JARID2: variants seen among roughly 807,000 people sequenced by gnomAD.
The protein encoded by JARID2 is protein Jumonji.
In JARID2, 21 loss-of-function variants were observed where a neutral mutation model predicts 125.6. The ratio of observed to expected loss-of-function variants is 0.17; its 90% CI spans 0.12 to 0.24. The LOEUF (loss-of-function observed/expected upper bound fraction) is 0.24, where lower values mean the gene tolerates loss of function less well. Ranked by LOEUF, JARID2 falls within the 10% of genes least tolerant of loss-of-function variation. The pLI is 1.00. For missense variants in JARID2, 1,303 were observed against 1,639.6 expected (o/e 0.79, Z 3.55); for synonymous variants, 736 against 661.6 (o/e 1.11, Z -1.73).
At chr6:15,386,160 G>T (rs964061513) in intron 2 of JARID2, among the ~76,000 whole-genome samples, 1 of 152,038 alleles carries the variant, frequency 6.6e-6, no homozygotes, top group Admixed American at 6.6e-5. Context: ...CTTGTACAAG[G>T]CCACCTAGCA....
intron 3 of JARID2, among the ~76,000 whole-genome samples, chr6:15,443,861 G>T (rs1012526241): frequency 1.3e-5 from 2 of 152,106 alleles, no homozygotes; most frequent in South Asian, 2.1e-4. Context: ...CTCAGGTTTT[G>T]TGACACCACT....
intron 2 of JARID2, among the ~76,000 whole-genome samples, chr6:15,378,873 T>C (rs933477406): frequency 6.6e-6 from 1 of 152,200 alleles, no homozygotes; most frequent in African/African-American, 2.4e-5. Flanking sequence ...TTTTATCTAA[T>C]TTGAAAATAA....
At chr6:15,320,258 T>A (rs1314744628) in intron 1 of JARID2, among the ~76,000 whole-genome samples, 1 of 152,220 alleles carries the variant, frequency 6.6e-6, no homozygotes, top group African/African-American at 2.4e-5. Context: ...GACTTAGTAT[T>A]CAGTTAAGAC....
In JARID2 at chr6:15,308,051, C is replaced by T. The variant is rs61507158; in HGVS notation, c.45+61467C>T. Among the ~76,000 whole-genome samples the T allele has an allele frequency of 3.0e-3, 457 of 152,290 alleles. 1 individual carries two copies. The highest frequency in any genetic ancestry group is 0.01 in the African/African-American group (419 of 41,554). On this transcript the variant is annotated intron_variant, in intron 1 of 17. Coordinates refer to ENST00000341776, the MANE Select transcript of JARID2 (RefSeq NM_004973.4). ...TCTTGATGCACAGAATGGTTGGTAA[C>T]GGTTCTTCCTCCTTAAATTTTTCTG...
At chr6:15,434,289 AT>A (rs1767108898) in intron 3 of JARID2, among the ~76,000 whole-genome samples, 1 of 152,102 alleles carries the variant, frequency 6.6e-6, no homozygotes, top group Admixed American at 6.5e-5. Context: ...TCAGTGACTT[AT>A]CTTTTAAAAT....
chr6:15,421,490 C>T (rs530170181), intron 3 of JARID2, among the ~76,000 whole-genome samples: 4 of 151,894 alleles, frequency 2.6e-5, no homozygotes, highest in African/African-American at 4.8e-5. Flanking sequence ...CATAAGCATT[C>T]GGCCTATAAT....
At chr6:15,369,044 C>G (rs1420953228) in intron 1 of JARID2, among the ~76,000 whole-genome samples, 2 of 151,966 alleles carry the variant, frequency 1.3e-5, no homozygotes, top group African/African-American at 4.8e-5. Flanking sequence ...GAATCTCTAG[C>G]CCGGACCGTC....
intron 5 of JARID2, among the ~76,000 whole-genome samples, chr6:15,483,866 G>T (rs542945597): frequency 6.6e-6 from 1 of 152,290 alleles, no homozygotes; most frequent in African/African-American, 2.4e-5. Flanking sequence ...CCAGTAGTGT[G>T]TGAGGGTTAC....
chr6:15,384,712 C>G (rs1029797427), intron 2 of JARID2, among the ~76,000 whole-genome samples: 1 of 152,152 alleles, frequency 6.6e-6, no homozygotes, highest in South Asian at 2.1e-4. Context: ...CCCAACCCCC[C>G]GAACTCAAGT....
At chr6:15,481,198 T>A (rs1467085836) in intron 5 of JARID2, among the ~76,000 whole-genome samples, 2 of 152,252 alleles carry the variant, frequency 1.3e-5, no homozygotes, top group African/African-American at 4.8e-5. Context: ...AACACTTTTC[T>A]ATAGGCCGTT....
At chr6:15,308,515 A>C (rs1026918626) in intron 1 of JARID2, among the ~76,000 whole-genome samples, 4 of 152,222 alleles carry the variant, frequency 2.6e-5, no homozygotes, top group African/African-American at 9.6e-5. Context: ...ATAAACATTG[A>C]TAGAAATCCA....
At chr6:15,300,501 C>A (rs1317596522) in intron 1 of JARID2, among the ~76,000 whole-genome samples, 1 of 152,148 alleles carries the variant, frequency 6.6e-6, no homozygotes, top group Non-Finnish European at 1.5e-5. Context: ...GAGTAATAAA[C>A]TGTACCCGTA....
At chr6:15,510,048 C>T (rs1257696580) in intron 12 of JARID2, among the ~76,000 whole-genome samples, 2 of 152,086 alleles carry the variant, frequency 1.3e-5, no homozygotes, top group South Asian at 2.1e-4. Context: ...AGGATTTGGC[C>T]TCAGAGAGAA....
At chr6:15,317,451 T>C (rs934736605) in intron 1 of JARID2, among the ~76,000 whole-genome samples, 1 of 152,164 alleles carries the variant, frequency 6.6e-6, no homozygotes, top group Admixed American at 6.5e-5. Flanking sequence ...TCAACCGACA[T>C]TGTGGTAAGA....
chr6:15,281,204 G>A (rs1475943398), intron 1 of JARID2, among the ~76,000 whole-genome samples: 1 of 152,186 alleles, frequency 6.6e-6, no homozygotes, highest in Non-Finnish European at 1.5e-5. Flanking sequence ...CACTTGGAGG[G>A]CATGCTGGTT....
At chr6:15,314,335 A>T (rs77067292) in intron 1 of JARID2, among the ~76,000 whole-genome samples, 11 of 48,404 alleles carry the variant, frequency 2.3e-4, no homozygotes, top group South Asian at 1.5e-3. Context: ...ACAATAATTT[A>T]AAAAAAATGA....
At chr6:15,332,128 A>G (rs900267907) in intron 1 of JARID2, among the ~76,000 whole-genome samples, 9 of 152,132 alleles carry the variant, frequency 5.9e-5, no homozygotes, top group Admixed American at 3.9e-4. Context: ...TGAGGAAGGA[A>G]GGGTGGGGGG....
At chr6:15,255,135 AT>A (rs1759611783) in intron 1 of JARID2, among the ~76,000 whole-genome samples, 4 of 145,088 alleles carry the variant, frequency 2.8e-5, no homozygotes, top group South Asian at 4.4e-4. Flanking sequence ...TAAACTAGGA[AT>A]TCTTTTTTTT....
At chr6:15,349,468 A>G (rs1210456585) in intron 1 of JARID2, among the ~76,000 whole-genome samples, 4 of 152,166 alleles carry the variant, frequency 2.6e-5, no homozygotes, top group East Asian at 1.9e-4. Context: ...TCTCACTTCT[A>G]TTTCCAGGAT....
Sources: allele counts gnomAD v4.1 joint callset (sites outside exome capture counted in the v4.1 genomes callset), GRCh38; gene constraint gnomAD v4.1.1; transcripts MANE v1.5; gene names NCBI Gene and HGNC (gene_info 2026-07-23, HGNC 2026-07-21).